The following DIS3L2 variants were observed in gnomAD, a reference collection of about 807,000 sequenced individuals.
The protein encoded by DIS3L2 is DIS3-like exonuclease 2.
In DIS3L2, 34 loss-of-function variants were observed where a neutral mutation model predicts 97.5. The observed-to-expected ratio is 0.35, with a 90% CI of 0.27 to 0.46. The LOEUF (loss-of-function observed/expected upper bound fraction) is 0.46, where lower values mean the gene tolerates loss of function less well. Among genes scored for constraint, DIS3L2 ranks in the 20% least tolerant of loss-of-function variants. The pLI, the probability that DIS3L2 is intolerant of heterozygous loss-of-function variation, is 1.00. For missense variants in DIS3L2, 1,038 were observed against 1,146.0 expected, an observed-to-expected ratio of 0.91 and a Z score of 1.36; for synonymous variants, 435 against 445.2, an observed-to-expected ratio of 0.98 and a Z score of 0.29.
In DIS3L2 at chr2:232,089,321, C is replaced by T. The variant is rs150532510; in HGVS notation, c.601+1600C>T. On this transcript the variant is annotated intron_variant, in intron 6 of 20. Transcript: ENST00000325385. ...TCACTGCCTTCAGGGTACCCAGGTTCCTTTTGTTTGGGGACACGTTTAGGT... is the reference window on the plus strand; with the variant it reads ...TCACTGCCTTCAGGGTACCCAGGTTTCTTTTGTTTGGGGACACGTTTAGGT... Among the ~76,000 whole-genome samples, 664 of 152,274 alleles carry T rather than the reference C, an allele frequency of 4.4e-3. 7 individuals carry two copies. Among genetic ancestry groups the T allele is most frequent in the Non-Finnish European group, 4.9e-3 (332 of 68,024 alleles).
intron 16 of DIS3L2, among the ~76,000 whole-genome samples, chr2:232,333,159 T>C (rs55836150): frequency 0.15 from 8,527 of 57,780 alleles, 398 homozygotes; most frequent in Middle Eastern, 0.24. Flanking sequence ...ACCTCCTCCT[T>C]CTCCTCCTCC....
At chr2:231,992,363 C>A (rs1287535006) in intron 1 of DIS3L2, among the ~76,000 whole-genome samples, 1 of 152,096 alleles carries the variant, frequency 6.6e-6, no homozygotes, top group African/African-American at 2.4e-5. Flanking sequence ...CCAAAATGCA[C>A]CTGTCCCCAG....
chr2:232,288,414 C>G (rs1159654709), intron 13 of DIS3L2, among the ~76,000 whole-genome samples: 1 of 152,156 alleles, frequency 6.6e-6, no homozygotes, highest in Non-Finnish European at 1.5e-5. Flanking sequence ...TCCAGCAAAC[C>G]TAGAAAGTGT....
chr2:232,330,135 G>A, intron 15 of DIS3L2, 139 bp downstream of exon 15: 3 of 1,101,284 alleles, frequency 2.7e-6, no homozygotes, highest in Non-Finnish European at 3.7e-6. Flanking sequence ...AGGGAAGGAG[G>A]CCCTGGGAGA....
At chr2:232,163,696 A>G (rs1458480264) in intron 9 of DIS3L2, 64 bp downstream of exon 9, 1 of 1,524,364 alleles carries the variant, frequency 6.6e-7, no homozygotes, top group Non-Finnish European at 8.8e-7. Context: ...CCTAGGGGCT[A>G]GGCTTAGATG....
chr2:232,284,668 G>C (rs1559192300), intron 13 of DIS3L2, among the ~76,000 whole-genome samples: 1 of 152,166 alleles, frequency 6.6e-6, no homozygotes, highest in Non-Finnish European at 1.5e-5. Context: ...TTTGCCCCGG[G>C]AGAGCTAAAG....
chr2:232,217,110 G>A (rs1213975939), intron 10 of DIS3L2, among the ~76,000 whole-genome samples: 2 of 152,116 alleles, frequency 1.3e-5, no homozygotes, highest in African/African-American at 2.4e-5. Context: ...CAAAGTGCTG[G>A]GATTAAAGGT....
chr2:232,195,941 A>G (rs958752676), intron 9 of DIS3L2, among the ~76,000 whole-genome samples: 31 of 152,220 alleles, frequency 2.0e-4, no homozygotes, highest in African/African-American at 7.2e-4. Flanking sequence ...GGCTTTTATC[A>G]TCTTTGTTTT....
At chr2:232,333,699 C>T in intron 16 of DIS3L2, 141 bp from the exon 17 acceptor site, 7 of 1,312,706 alleles carry the variant, frequency 5.3e-6, no homozygotes, top group South Asian at 1.6e-5. Context: ...CCCAGTCCTC[C>T]CTGGCGTCAC....
chr2:232,048,625 G>A (rs1471335369), intron 5 of DIS3L2, among the ~76,000 whole-genome samples: 2 of 151,908 alleles, frequency 1.3e-5, no homozygotes, highest in African/African-American at 2.4e-5. Flanking sequence ...CCAGCTACTC[G>A]GGAGGCTGAG....
chr2:232,291,731 T>C (rs865982800), intron 13 of DIS3L2, among the ~76,000 whole-genome samples: 4 of 152,264 alleles, frequency 2.6e-5, no homozygotes, highest in African/African-American at 9.6e-5. Context: ...CCCCTGCTCA[T>C]TCATGGAGTA....
intron 9 of DIS3L2, among the ~76,000 whole-genome samples, chr2:232,187,246 A>C (rs1184317453): frequency 6.6e-6 from 1 of 152,202 alleles, no homozygotes; most frequent in Admixed American, 6.5e-5. Flanking sequence ...ATTTAAAAAA[A>C]TACAGATAAC....
chr2:232,196,053 G>C (rs929673124), intron 9 of DIS3L2, among the ~76,000 whole-genome samples: 3 of 151,828 alleles, frequency 2.0e-5, no homozygotes, highest in Admixed American at 1.3e-4. Flanking sequence ...GAATCTGTTA[G>C]GTCAGATTCT....
chr2:232,114,176 T>A (rs1289989191), intron 6 of DIS3L2, among the ~76,000 whole-genome samples: 2 of 152,102 alleles, frequency 1.3e-5, no homozygotes, highest in African/African-American at 2.4e-5. Flanking sequence ...TCAGGGAGAC[T>A]GATTTGAGTA....
intron 10 of DIS3L2, among the ~76,000 whole-genome samples, chr2:232,230,468 A>G (rs548096669): frequency 9.9e-5 from 15 of 152,272 alleles, no homozygotes; most frequent in Admixed American, 9.1e-4. Context: ...TGAGGCTCCT[A>G]TGTTGGGAAA....
At chr2:232,207,760 C>G (rs2106214769) in intron 9 of DIS3L2, among the ~76,000 whole-genome samples, 1 of 152,166 alleles carries the variant, frequency 6.6e-6, no homozygotes, top group Non-Finnish European at 1.5e-5. Context: ...AATCTTAAAG[C>G]CATTAACTAT....
intron 13 of DIS3L2, among the ~76,000 whole-genome samples, chr2:232,294,104 C>T (rs985697439): frequency 5.3e-5 from 8 of 152,150 alleles, no homozygotes; most frequent in African/African-American, 1.2e-4. Context: ...AGTTCTGGCC[C>T]GCATGACCAG....
At chr2:231,961,953 C>T (rs1221853568) in intron 1 of DIS3L2, among the ~76,000 whole-genome samples, 188 bp downstream of exon 1, 1 of 152,242 alleles carries the variant, frequency 6.6e-6, no homozygotes, top group Non-Finnish European at 1.5e-5. Flanking sequence ...TCCCGCATCT[C>T]CCTCAATGTC....
intron 3 of DIS3L2, among the ~76,000 whole-genome samples, 188 bp from the exon 4 acceptor site, chr2:232,024,089 A>G (rs1694591011): frequency 6.6e-6 from 1 of 152,124 alleles, no homozygotes; most frequent in South Asian, 2.1e-4. Flanking sequence ...TCTGTTTTTG[A>G]TAGAACCCTC....
Sources: gnomAD v4.1 joint callset for allele counts (sites outside exome capture counted in the v4.1 genomes callset) on GRCh38, gnomAD v4.1.1 for gene constraint, MANE v1.5 for transcripts, NCBI Gene and HGNC (gene_info 2026-07-23, HGNC 2026-07-21) for gene names.